DCAF1: variants seen among roughly 807,000 people sequenced by gnomAD.
The protein encoded by DCAF1 is DDB1 and CUL4 associated factor 1.
DCAF1 carries 15 observed loss-of-function variants against 128.0 expected under a neutral mutation model. The observed-to-expected ratio is 0.12, with a 90% CI of 0.08 to 0.18. The LOEUF (loss-of-function observed/expected upper bound fraction) is 0.18, where lower values mean the gene tolerates loss of function less well. Ranked by LOEUF, DCAF1 falls within the 10% of genes least tolerant of loss-of-function variation. The pLI is 1.00. For missense variants in DCAF1, 988 were observed against 1,649.5 expected (o/e 0.60, Z 6.95); for synonymous variants, 610 against 603.0 (o/e 1.01, Z -0.17).
At chr3:51,405,010 C>G (rs1453733298) in intron 23 of DCAF1, among the ~76,000 whole-genome samples, 1 of 152,172 alleles carries the variant, frequency 6.6e-6, no homozygotes, top group Admixed American at 6.5e-5. Flanking sequence ...CAAGTGCTTA[C>G]CAGATTACAA....
intron 3 of DCAF1, among the ~76,000 whole-genome samples, chr3:51,479,370 G>T (rs1553651851): frequency 1.3e-5 from 2 of 152,064 alleles, no homozygotes; most frequent in Non-Finnish European, 2.9e-5. Context: ...AGGCAGGGTG[G>T]TGTGTGCCTG....
chr3:51,450,586 T>C (rs545660778), intron 6 of DCAF1, among the ~76,000 whole-genome samples: 10 of 152,320 alleles, frequency 6.6e-5, no homozygotes, highest in Middle Eastern at 6.8e-3. Flanking sequence ...TGAAAACTCA[T>C]AGCTAATATC....
rs1375726875 is a variant in DCAF1 at position 51,422,530 on chromosome 3, A to T, written c.1848-99T>A. The T allele has an allele frequency of 1.8e-5, 12 of 675,698 alleles. No individual in the cohort carries two copies. In the East Asian group the frequency reaches 3.3e-4, roughly 18 times the overall value. The allele number at this position is 675,698 out of a possible 1,614,324, so 41.9% of individuals were successfully genotyped here. A position where few individuals can be genotyped will look rare whatever the true frequency, so the allele number is the denominator to read the frequency against. On this transcript the variant is annotated intron_variant, in intron 13 of 24. Transcript: ENST00000684031. The stretch of plus-strand genomic sequence containing the variant: ...CACAGACAGATAGACACATACACAC[A>T]GAGACAATAAATCAGAAGCACTACC...
chr3:51,495,060 C>T (rs926777166), intron 2 of DCAF1, among the ~76,000 whole-genome samples: 36 of 152,302 alleles, frequency 2.4e-4, no homozygotes, highest in Middle Eastern at 6.8e-3. Flanking sequence ...TGGTGGCTCA[C>T]GCCTGTAATC....
chr3:51,401,077 A>T (rs189219006), intron 24 of DCAF1, among the ~76,000 whole-genome samples: 5 of 145,520 alleles, frequency 3.4e-5, no homozygotes, highest in African/African-American at 1.3e-4. Context: ...GCTTGCAGTG[A>T]GCCAAGACTG....
At chr3:51,412,571 C>G in intron 22 of DCAF1, 91 bp from the exon 23 acceptor site, 1 of 1,567,794 alleles carries the variant, frequency 6.4e-7, no homozygotes, top group East Asian at 2.3e-5. Flanking sequence ...ATGACCTTGA[C>G]CCTGTAATTA....
intron 3 of DCAF1, among the ~76,000 whole-genome samples, chr3:51,481,591 A>G (rs996653439): frequency 3.9e-5 from 6 of 152,108 alleles, no homozygotes; most frequent in Admixed American, 2.6e-4. Flanking sequence ...GCTACTCCAG[A>G]GGCTCAGGCA....
chr3:51,460,808 G>C (rs1401797007), intron 6 of DCAF1, among the ~76,000 whole-genome samples: 1 of 129,788 alleles, frequency 7.7e-6, no homozygotes, highest in South Asian at 2.5e-4. Context: ...CAAGAAATGG[G>C]GAAAGGATTC....
chr3:51,455,307 C>T (rs1553642562), intron 6 of DCAF1, among the ~76,000 whole-genome samples: 1 of 152,094 alleles, frequency 6.6e-6, no homozygotes, highest in Non-Finnish European at 1.5e-5. Flanking sequence ...ATTATAAATC[C>T]ATTCCAGAAA....
At position 51,400,983 on chromosome 3, in the gene DCAF1, T is replaced by A. The variant is rs535247576; in HGVS notation, c.4466-2156A>T. Among the ~76,000 whole-genome samples, 12 of 151,880 alleles carry A rather than the reference T, an allele frequency of 7.9e-5. No homozygotes were observed. The South Asian group carries it at 2.5e-3, about 32-fold the overall frequency. On this transcript the variant is annotated intron_variant, in intron 24 of 24. Coordinates refer to ENST00000684031, the MANE Select transcript of DCAF1 (RefSeq NM_001387579.1). ...CTGTCTCTACTAAAAATACAAAAAATTAGCTGGGGGTGGTGGCGGGCGCCT... is the reference window on the plus strand; with the variant it reads ...CTGTCTCTACTAAAAATACAAAAAAATAGCTGGGGGTGGTGGCGGGCGCCT...
At chr3:51,441,352 A>G (rs782486590) in intron 8 of DCAF1, 33 bp downstream of exon 8, 24 of 1,581,820 alleles carry the variant, frequency 1.5e-5, no homozygotes, top group Middle Eastern at 1.7e-4. Flanking sequence ...AATAATTCCT[A>G]TGTGTGAACA....
chr3:51,426,000 A>G (rs904858931), intron 13 of DCAF1, among the ~76,000 whole-genome samples: 2 of 152,154 alleles, frequency 1.3e-5, no homozygotes, highest in African/African-American at 4.8e-5. Context: ...GTGAAGTCAA[A>G]GCTATTTTCG....
At chr3:51,451,500 G>C (rs553982804) in intron 6 of DCAF1, among the ~76,000 whole-genome samples, 3 of 151,900 alleles carry the variant, frequency 2.0e-5, no homozygotes, top group African/African-American at 7.2e-5. Context: ...TTTTAGGTCA[G>C]GTGTAATCCC....
chr3:51,493,281 A>C (rs1315648702), intron 2 of DCAF1, among the ~76,000 whole-genome samples: 1 of 151,904 alleles, frequency 6.6e-6, no homozygotes, highest in African/African-American at 2.4e-5. Flanking sequence ...CCCCATCTCT[A>C]CTAAAAATAC....
intron 7 of DCAF1, among the ~76,000 whole-genome samples, chr3:51,442,178 G>A (rs1701420041): frequency 6.6e-6 from 1 of 152,076 alleles, no homozygotes; most frequent in South Asian, 2.1e-4. Flanking sequence ...AAGTTGACCT[G>A]GACCATCACA....
chr3:51,423,461 C>T (rs1699606662), intron 13 of DCAF1, among the ~76,000 whole-genome samples: 1 of 150,958 alleles, frequency 6.6e-6, no homozygotes, highest in African/African-American at 2.4e-5. Flanking sequence ...GAGATTGAGC[C>T]ACCGCACTCC....
intron 2 of DCAF1, among the ~76,000 whole-genome samples, chr3:51,489,596 G>C (rs1489903069): frequency 2.0e-5 from 3 of 152,098 alleles, no homozygotes; most frequent in African/African-American, 7.2e-5. Flanking sequence ...AGATCAGCCT[G>C]GCCAACATGG....
At chr3:51,480,391 T>C (rs950938862) in intron 3 of DCAF1, among the ~76,000 whole-genome samples, 2 of 151,836 alleles carry the variant, frequency 1.3e-5, no homozygotes, top group African/African-American at 4.8e-5. Flanking sequence ...GGTCAGGAGT[T>C]CGAGACCAGC....
At chr3:51,472,540 C>A (rs782799594) in intron 3 of DCAF1, among the ~76,000 whole-genome samples, 2 of 152,296 alleles carry the variant, frequency 1.3e-5, no homozygotes, top group South Asian at 4.1e-4. Flanking sequence ...GCACGCAACA[C>A]TGTGTCTGGC....
Sources: gnomAD v4.1 joint callset for allele counts (sites outside exome capture counted in the v4.1 genomes callset) on GRCh38, gnomAD v4.1.1 for gene constraint, MANE v1.5 for transcripts, NCBI Gene and HGNC (gene_info 2026-07-23, HGNC 2026-07-21) for gene names.